The following FARP1 variants were observed in gnomAD, a reference collection of about 807,000 sequenced individuals.
FARP1 encodes the protein FERM, ARH/RhoGEF and pleckstrin domain protein 1.
A neutral mutation model predicts 128.8 loss-of-function variants in FARP1; 52 were observed. The ratio of observed to expected loss-of-function variants is 0.40; its 90% CI spans 0.32 to 0.51. The LOEUF (loss-of-function observed/expected upper bound fraction) is 0.51, where lower values mean the gene tolerates loss of function less well. FARP1 is among the 20% of genes least tolerant of loss of function. FARP1 has a pLI of 0.45. For missense variants in FARP1, 1,333 were observed against 1,367.9 expected (o/e 0.97, Z 0.40); for synonymous variants, 580 against 551.8 (o/e 1.05, Z -0.72).
At chr13:98,314,713 C>T (rs1392332504) in intron 2 of FARP1, among the ~76,000 whole-genome samples, 1 of 152,164 alleles carries the variant, frequency 6.6e-6, no homozygotes, top group East Asian at 1.9e-4. Flanking sequence ...TGAAATCAGC[C>T]AGGCCCTGCA....
chr13:98,284,849 A>G lies in FARP1; in HGVS notation c.172-58913A>G, dbSNP rs1427586169. Among the ~76,000 whole-genome samples, 14 of 152,252 alleles carry G rather than the reference A, an allele frequency of 9.2e-5. No individual in the cohort carries two copies. The East Asian group carries it at 2.7e-3, about 29-fold the overall frequency. On this transcript the variant is annotated intron_variant, in intron 2 of 26. Coordinates refer to ENST00000319562, the MANE Select transcript of FARP1 (RefSeq NM_005766.4). Reference sequence around the variant, plus strand: ...GTTCTTCCTGTGCCAGCTGCTAGCTATTGACTCTCCTTGAGCTGAGGCACA... The same window carrying G: ...GTTCTTCCTGTGCCAGCTGCTAGCTGTTGACTCTCCTTGAGCTGAGGCACA...
chr13:98,352,870 A>G (rs555075980), intron 3 of FARP1, among the ~76,000 whole-genome samples: 31 of 152,274 alleles, frequency 2.0e-4, no homozygotes, highest in Non-Finnish European at 3.8e-4. Flanking sequence ...AAAGAGATGG[A>G]AGAGGAAGCT....
chr13:98,238,612 G>T (rs1348875504), intron 2 of FARP1, among the ~76,000 whole-genome samples: 1 of 152,088 alleles, frequency 6.6e-6, no homozygotes, highest in East Asian at 1.9e-4. Context: ...AGTGTGCAGG[G>T]AAACTCCCCT....
At chr13:98,366,964 C>G (rs73567635) in intron 4 of FARP1, among the ~76,000 whole-genome samples, 403 of 152,060 alleles carry the variant, frequency 2.7e-3, no homozygotes, top group African/African-American at 9.3e-3. Context: ...AAAAGTAAAA[C>G]AGACATTTTT....
At chr13:98,272,219 G>A (rs949015411) in intron 2 of FARP1, among the ~76,000 whole-genome samples, 5 of 151,998 alleles carry the variant, frequency 3.3e-5, no homozygotes, top group Non-Finnish European at 5.9e-5. Flanking sequence ...TAGTAGAGAT[G>A]GAGTTTCACC....
In FARP1 at chr13:98,453,335, A is replaced by G; in HGVS notation, c.*5018A>G. ...AAGTCATACAAAAATAAGTGGAGCA[A>G]ATATCAATGTGTAAGTCTAATTTTA... On this transcript the variant is annotated 3_prime_UTR_variant, in exon 27 of 27. Transcript: ENST00000319562. 1 of 908,614 alleles carries G rather than the reference A, an allele frequency of 1.1e-6. No individual in the cohort carries two copies. The highest frequency in any genetic ancestry group is 1.7e-6 in the Non-Finnish European group (1 of 583,598). 56.3% of individuals were successfully genotyped at this position (908,614 alleles called of 1,614,324 possible).
At chr13:98,438,244 T>C (rs913517430) in intron 19 of FARP1, among the ~76,000 whole-genome samples, 1 of 152,204 alleles carries the variant, frequency 6.6e-6, no homozygotes, top group African/African-American at 2.4e-5. Context: ...ACGCAGTTAC[T>C]GCTCATTGAG....
At chr13:98,323,452 A>AT (rs142162285) in intron 2 of FARP1, among the ~76,000 whole-genome samples, 27,121 of 144,098 alleles carry the variant, frequency 0.19, 3,181 homozygotes, top group Non-Finnish European at 0.28. Context: ...CAGTAGAAGT[A>AT]TTTTTTTTTT....
At chr13:98,292,209 C>A (rs1172101606) in intron 2 of FARP1, among the ~76,000 whole-genome samples, 1 of 152,182 alleles carries the variant, frequency 6.6e-6, no homozygotes, top group Non-Finnish European at 1.5e-5. Flanking sequence ...ATTTATTTTA[C>A]AAGTTGGAGG....
rs191304439 is a variant in FARP1 at position 98,355,205 on chromosome 13, C to T, written c.277-10190C>T. On this transcript the variant is annotated intron_variant, in intron 3 of 26. Transcript: ENST00000319562. ...ACAAAAAATACAAAAACTAGCCAGG[C>T]ATGGTGGCTCACACCTGTAGTCCTA... 5.8e-4 allele frequency among the ~76,000 whole-genome samples: 88 copies of T among 152,082 alleles called. 3 individuals are homozygous for T. The highest frequency in any genetic ancestry group is 5.8e-3 in the Admixed American group (88 of 15,276).
chr13:98,250,319 G>A (rs1264378458), intron 2 of FARP1, among the ~76,000 whole-genome samples: 1 of 151,994 alleles, frequency 6.6e-6, no homozygotes, highest in African/African-American at 2.4e-5. Context: ...CAGTCTTTTG[G>A]GTTTGTACAT....
chr13:98,405,663 C>A (rs573860086), intron 13 of FARP1: 8 of 152,216 alleles, frequency 5.3e-5, no homozygotes, highest in African/African-American at 1.9e-4. Context: ...TCCAGACTTT[C>A]GGTGTGTGAC....
chr13:98,185,368 G>C (rs1444029976), intron 1 of FARP1, among the ~76,000 whole-genome samples: 1 of 152,116 alleles, frequency 6.6e-6, no homozygotes, highest in Non-Finnish European at 1.5e-5. Flanking sequence ...GCATGCAGGC[G>C]TTGGGATTGG....
rs200272380 is a variant in FARP1 at position 98,343,866 on chromosome 13, G to A, written c.276G>A (p.Thr92=). The A allele has an allele frequency of 9.5e-5, 150 of 1,582,016 alleles. No homozygotes were observed. Among genetic ancestry groups the A allele is most frequent in the Admixed American group, 6.7e-5 (4 of 59,912 alleles). Residue 92 remains threonine, a splice_region_variant and synonymous_variant, in exon 3 of 27, where the codon ACG becomes ACA. Transcript: ENST00000319562. ...GLEFPDHKKI[T]VWLDLLKPIV... ...AGTTTCCTGATCACAAAAAGATCAC[G>A]GTAGGTGATGTCAACTTAATGTTAC... is the stretch of plus-strand genomic sequence containing the variant.
intron 24 of FARP1, among the ~76,000 whole-genome samples, chr13:98,442,077 T>C (rs546997407): frequency 3.3e-5 from 5 of 152,318 alleles, no homozygotes; most frequent in East Asian, 1.9e-4. Flanking sequence ...CCATTCATCA[T>C]TGTGATTGTG....
intron 3 of FARP1, chr13:98,345,610 A>G (rs1888147429): frequency 6.6e-6 from 1 of 152,236 alleles, no homozygotes; most frequent in African/African-American, 2.4e-5. Context: ...GATGACTTAA[A>G]TAAGTAAGTG....
intron 3 of FARP1, among the ~76,000 whole-genome samples, chr13:98,359,378 C>T (rs1323617346): frequency 6.6e-6 from 1 of 152,128 alleles, no homozygotes. Flanking sequence ...TTAATAAGAC[C>T]CTTTCCAAAA....
At chr13:98,390,933 G>A (rs1890282216) in intron 11 of FARP1, 53 bp downstream of exon 11, 1 of 1,210,914 alleles carries the variant, frequency 8.3e-7, no homozygotes, top group Non-Finnish European at 1.2e-6. Context: ...GACTCGCCAG[G>A]TAACAGTTTG....
chr13:98,378,460 C>T (rs1331961734), intron 6 of FARP1, among the ~76,000 whole-genome samples: 1 of 152,060 alleles, frequency 6.6e-6, no homozygotes, highest in Non-Finnish European at 1.5e-5. Context: ...TGACAAGCCA[C>T]CTGGGTGTTT....
Sources: gnomAD v4.1 joint callset for allele counts (sites outside exome capture counted in the v4.1 genomes callset) on GRCh38, gnomAD v4.1.1 for gene constraint, MANE v1.5 for transcripts, NCBI Gene and HGNC (gene_info 2026-07-23, HGNC 2026-07-21) for gene names.